Variants in C22orf31 observed in about 807,000 individuals in gnomAD.
C22orf31 encodes the protein chromosome 22 open reading frame 31, also known as uncharacterized protein C22orf31.
Under a neutral mutation model 15.0 loss-of-function variants are expected in C22orf31, and 11 were observed. The ratio of observed to expected loss-of-function variants is 0.73; its 90% confidence interval spans 0.46 to 1.21. The LOEUF (loss-of-function observed/expected upper bound fraction) is 1.21. C22orf31 is among the 50% of genes most tolerant of loss of function. C22orf31 has a pLI of 0.00. For missense variants in C22orf31, 340 were observed against 347.2 expected, an observed-to-expected ratio of 0.98 and a Z score of 0.17; for synonymous variants, 132 against 133.3, an observed-to-expected ratio of 0.99 and a Z score of 0.07.
the C22orf31 span, among the ~76,000 whole-genome samples, chr22:29,067,392 C>T: frequency 0.5 from 75,363 of 150,888 alleles, 19,623 homozygotes; most frequent in Middle Eastern, 0.61. Flanking sequence ...GTGACAGAAA[C>T]CTATTATTTT....
Position 29,059,054 on chromosome 22 carries a change from C to T in C22orf31, c.561G>A (p.Val187=), listed in dbSNP as rs746589758. 2.5e-6 allele frequency: 4 copies of T among 1,614,242 alleles called. No homozygotes were observed. The highest frequency in any genetic ancestry group is 1.1e-5 in the South Asian group (1 of 91,090). The change falls in exon 3 of 3, where the codon GTG becomes GTA. Residue 187 remains valine (V), a synonymous_variant. Coordinates refer to ENST00000216071, the MANE Select transcript of C22orf31 (RefSeq NM_015370.2). ...DSGTAAWKGR[V]LLPETQKRQQ... ...GTCTCTTTTGGGTTTCAGGAAGCAA[C>T]ACTCGGCCCTTCCAGGCTGCTGTCC...
chr22:29,070,341 A>T, the C22orf31 span, among the ~76,000 whole-genome samples: 1 of 152,226 alleles, frequency 6.6e-6, no homozygotes, highest in Admixed American at 6.5e-5. Context: ...AGCAGTGTAC[A>T]TGACAGAGAG....
At chr22:29,068,527 T>C in the C22orf31 span, among the ~76,000 whole-genome samples, 99,726 of 150,646 alleles carry the variant, frequency 0.66, 33,264 homozygotes, top group Middle Eastern at 0.78. Context: ...TCTCCTGCCT[T>C]AGCCTCCTGA....
intron 2 of C22orf31, chr22:29,060,109 G>T: frequency 2.5e-6 from 1 of 395,440 alleles, no homozygotes; most frequent in Non-Finnish European, 3.4e-6. Context: ...ATGGCTCACT[G>T]CAGCCTCAAC....
upstream of C22orf31, among the ~76,000 whole-genome samples, chr22:29,064,677 T>C (rs1294937790): frequency 3.0e-4 from 2 of 6,724 alleles, no homozygotes; most frequent in Non-Finnish European, 5.3e-4. Context: ...GCCCAGTGAT[T>C]TTTTTTTTTT....
At position 29,058,686 on chromosome 22, in the gene C22orf31, G is replaced by T. The variant is rs2123896489; in HGVS notation, c.*56C>A. 1.5e-6 allele frequency: 2 copies of T among 1,361,256 alleles called. No individual in the cohort carries two copies. Among genetic ancestry groups the T allele is most frequent in the South Asian group, 1.4e-5 (1 of 73,560 alleles). 84.3% of individuals were successfully genotyped at this position (1,361,256 alleles called of 1,614,324 possible). ...GCGATAACACGGAAGGTGCAAAGTT[G>T]TGTTTATTTTTCAGATCTCTAGCAG... On this transcript the variant is annotated 3_prime_UTR_variant, in exon 3 of 3. Transcript: ENST00000216071.
At chr22:29,068,336 C>T in the C22orf31 span, among the ~76,000 whole-genome samples, 14 of 151,940 alleles carry the variant, frequency 9.2e-5, no homozygotes, top group Admixed American at 2.0e-4. Context: ...GTGATCCACC[C>T]GCTTCAGCCT....
intron 1 of C22orf31, 117 bp from the exon 2 acceptor site, chr22:29,060,960 A>C (rs1470659165): frequency 2.3e-6 from 2 of 854,964 alleles, no homozygotes; most frequent in Non-Finnish European, 3.6e-6. Context: ...CCTTCCACCC[A>C]GTTCTTAGAA....
the C22orf31 span, among the ~76,000 whole-genome samples, chr22:29,071,308 G>A: frequency 3.9e-5 from 6 of 152,224 alleles, no homozygotes; most frequent in East Asian, 9.6e-4. Flanking sequence ...CTACAGCGCT[G>A]AGTCGTGTGG....
upstream of C22orf31, among the ~76,000 whole-genome samples, chr22:29,066,507 CCTTT>C (rs1443100041): frequency 1.0e-3 from 148 of 148,350 alleles, no homozygotes; most frequent in African/African-American, 2.8e-3. Context: ...CACACTTCCT[CCTTT>C]CTTTCTTTCT....
Position 29,060,703 on chromosome 22 carries a change from C to T in C22orf31, c.144G>A (p.Lys48=). 7 of 1,614,154 alleles carry T rather than the reference C, an allele frequency of 4.3e-6. No homozygotes were observed. Among genetic ancestry groups the T allele is most frequent in the Non-Finnish European group, 4.2e-6 (5 of 1,180,038 alleles). The part of the protein sequence containing the change: ...TNIWMARTCA[K]QNINAPAPAT... ...CTGGTGCTGGGGCATTAATGTTCTGCTTTGCACATGTTCTGGCCATCCAGA... is the reference window on the plus strand; with the variant it reads ...CTGGTGCTGGGGCATTAATGTTCTGTTTTGCACATGTTCTGGCCATCCAGA... Residue 48 remains lysine (K), a synonymous_variant, in exon 2 of 3, where the codon AAG becomes AAA. Coordinates refer to ENST00000216071, the MANE Select transcript of C22orf31 (RefSeq NM_015370.2).
intron 1 of C22orf31, 142 bp downstream of exon 1, chr22:29,061,648 A>AT (rs2037393406): frequency 1.6e-6 from 1 of 606,118 alleles, no homozygotes; most frequent in African/African-American, 1.9e-5. Context: ...CCATAAAAGC[A>AT]ACACGAAAAC....
upstream of C22orf31, among the ~76,000 whole-genome samples, chr22:29,062,103 C>T (rs115568053): frequency 9.2e-3 from 1,399 of 152,246 alleles, 27 homozygotes; most frequent in African/African-American, 0.03. Flanking sequence ...TACGGTTTTG[C>T]TTCTAGCCTC....
chr22:29,061,662 A>G (rs2037393623), intron 1 of C22orf31, 128 bp downstream of exon 1: 1 of 660,748 alleles, frequency 1.5e-6, no homozygotes, highest in Admixed American at 2.8e-5. Flanking sequence ...CGAAAACATT[A>G]ATGCTGCCGG....
At chr22:29,071,734 C>A in the C22orf31 span, among the ~76,000 whole-genome samples, 7 of 152,036 alleles carry the variant, frequency 4.6e-5, no homozygotes, top group Admixed American at 3.3e-4. Flanking sequence ...CGACCGACCC[C>A]GGGTGCGGCA....
chr22:29,072,473 A>C, the C22orf31 span, among the ~76,000 whole-genome samples: 1 of 152,166 alleles, frequency 6.6e-6, no homozygotes, highest in African/African-American at 2.4e-5. Context: ...AGTAGCAGCT[A>C]TTATCACCTC....
chr22:29,068,995 C>T, the C22orf31 span, among the ~76,000 whole-genome samples: 1 of 151,896 alleles, frequency 6.6e-6, no homozygotes, highest in Admixed American at 6.6e-5. Flanking sequence ...AACTCCTGAC[C>T]TTGTGATCCT....
At chr22:29,068,460 G>C in the C22orf31 span, among the ~76,000 whole-genome samples, 7 of 148,322 alleles carry the variant, frequency 4.7e-5, no homozygotes, top group Non-Finnish European at 1.5e-5. Flanking sequence ...GCCTGGGCTG[G>C]AGTGCAGTAG....
chr22:29,067,101 C>T, the C22orf31 span, among the ~76,000 whole-genome samples: 71,225 of 152,032 alleles, frequency 0.47, 17,456 homozygotes, highest in Middle Eastern at 0.6. Context: ...GAAGGAAAAT[C>T]GGGAATACAG....
Sources: gnomAD v4.1 joint callset for allele counts (sites outside exome capture counted in the v4.1 genomes callset) on GRCh38, gnomAD v4.1.1 for gene constraint, MANE v1.5 for transcripts, NCBI Gene and HGNC (gene_info 2026-07-23, HGNC 2026-07-21) for gene names.